The following DOCK3 variants were observed in gnomAD, a reference collection of about 807,000 sequenced individuals.
The protein encoded by DOCK3 is dedicator of cytokinesis protein 3.
Under a neutral mutation model 265.6 loss-of-function variants are expected in DOCK3, and 60 were observed. The ratio of observed to expected loss-of-function variants is 0.23; its 90% CI spans 0.18 to 0.28. DOCK3 has a LOEUF of 0.28. Ranked by LOEUF, DOCK3 falls within the 10% of genes least tolerant of loss-of-function variation. DOCK3 has a pLI of 1.00. For missense variants in DOCK3, 1,981 were observed against 2,594.3 expected, an observed-to-expected ratio of 0.76 and a Z score of 5.14; for synonymous variants, 881 against 938.0, an observed-to-expected ratio of 0.94 and a Z score of 1.11.
intron 4 of DOCK3, among the ~76,000 whole-genome samples, chr3:50,916,393 G>A (rs141846944): frequency 2.6e-3 from 396 of 152,128 alleles, no homozygotes; most frequent in Non-Finnish European, 4.3e-3. Flanking sequence ...CTGGTTTCCA[G>A]CTGAGCCCAG....
intron 5 of DOCK3, among the ~76,000 whole-genome samples, chr3:50,973,116 TTTTTTTGTAGTTTTC>T (rs2077304567): frequency 6.8e-6 from 1 of 146,842 alleles, no homozygotes; most frequent in Non-Finnish European, 1.5e-5. Context: ...ATTTCTTTTT[TTTTTTTGTAGTTTTC>T]TTTTTTTTTT....
chr3:50,863,108 G>A (rs902398253), intron 3 of DOCK3, among the ~76,000 whole-genome samples: 1 of 152,138 alleles, frequency 6.6e-6, no homozygotes, highest in African/African-American at 2.4e-5. Flanking sequence ...CCTCCCTTAT[G>A]GGTGGCCCAC....
chr3:51,374,245 C>T lies in DOCK3; in HGVS notation c.5294-224C>T, dbSNP rs1246836188. Among the ~76,000 whole-genome samples, 1 of 152,202 alleles carries T rather than the reference C, an allele frequency of 6.6e-6. No individual in the cohort carries two copies. Among genetic ancestry groups the T allele is most frequent in the African/African-American group, 2.4e-5 (1 of 41,448 alleles). On this transcript the variant is annotated intron_variant, in intron 49 of 52. Transcript: ENST00000266037. The surrounding 1 kb of genome is among the most constrained non-coding windows in gnomAD (Gnocchi z 4.8). ...GGGGACTCTGTCAGCGGATCTGCAT[C>T]TCACCAGCCTGCTGTATGTCAGCCT...
intron 1 of DOCK3, among the ~76,000 whole-genome samples, chr3:50,750,640 T>C (rs990926740): frequency 1.3e-5 from 2 of 152,216 alleles, no homozygotes; most frequent in Non-Finnish European, 2.9e-5. Context: ...CCTTTGCTTT[T>C]GCATTGCAGT....
chr3:51,086,391 A>T (rs1454614840), intron 7 of DOCK3, among the ~76,000 whole-genome samples: 1 of 152,228 alleles, frequency 6.6e-6, no homozygotes, highest in Non-Finnish European at 1.5e-5. Flanking sequence ...TGCTGCACAG[A>T]TTTTGTTTAT....
At chr3:50,680,719 C>G (rs1285679892) in intron 1 of DOCK3, among the ~76,000 whole-genome samples, 1 of 151,478 alleles carries the variant, frequency 6.6e-6, no homozygotes, top group Non-Finnish European at 1.5e-5. Flanking sequence ...CTATTTTACT[C>G]AGGCTGGTCT....
Position 50,782,289 on chromosome 3 carries a change from A to ATTTTTTTTT in DOCK3, c.121+3542_121+3550dup, listed in dbSNP as rs71084112. Among the ~76,000 whole-genome samples, 107 of 110,010 alleles carry ATTTTTTTTT rather than the reference A, an allele frequency of 9.7e-4. 6 individuals carry two copies. The highest frequency in any genetic ancestry group is 5.8e-3 in the East Asian group (19 of 3,268). The allele number at this position is 110,010 out of a possible 152,430, so 72.2% of individuals were successfully genotyped here. Reference sequence around the variant, plus strand: ...CTCAGCAGTCTCACCAGTACCTGTTATTTTTTTTTTTTTTTTTTTGAGACG... The same window carrying ATTTTTTTTT: ...CTCAGCAGTCTCACCAGTACCTGTTATTTTTTTTTTTTTTTTTTTTTTTTTTTTGAGACG... On this transcript the variant is annotated intron_variant, in intron 2 of 52. Transcript: ENST00000266037.
Position 51,315,013 on chromosome 3 carries a change from T to C in DOCK3, c.3287T>C (p.Ile1096Thr), listed in dbSNP as rs1345363643. The change falls in exon 32 of 53, where the codon ATT (isoleucine) becomes ACT (threonine). Residue 1096 changes from isoleucine (I) to threonine (T), a missense_variant. By Grantham distance (89) the Ile-to-Thr change is moderately conservative (BLOSUM62 -1). This residue lies in a region of DOCK3 where 1,357 missense variants were observed against 1,866.8 expected (regional missense o/e 0.73). Coordinates refer to ENST00000266037, the MANE Select transcript of DOCK3 (RefSeq NM_004947.5). ...AAGATCCACTTTATTCCGGGAATGA[T>C]TGGTCCTTTTCTGGGTGTGACACTG... ...EHKIHFIPGM[I>T]GPFLGVTLVP... is the part of the protein sequence containing the mutation. 11 of 1,610,914 alleles carry C rather than the reference T, an allele frequency of 6.8e-6. No individual in the cohort carries two copies. Among genetic ancestry groups the C allele is most frequent in the South Asian group, 2.2e-5 (2 of 90,726 alleles).
intron 1 of DOCK3, among the ~76,000 whole-genome samples, chr3:50,711,137 A>T (rs2036737274): frequency 6.6e-6 from 1 of 152,180 alleles, no homozygotes; most frequent in Non-Finnish European, 1.5e-5. Flanking sequence ...TTTCTTGCAT[A>T]CATATATTGT....
chr3:51,230,109 C>CT (rs1267749984), intron 19 of DOCK3, among the ~76,000 whole-genome samples: 1 of 152,068 alleles, frequency 6.6e-6, no homozygotes, highest in African/African-American at 2.4e-5. Context: ...GCCATGTTTT[C>CT]TTTTTTTATT....
intron 9 of DOCK3, among the ~76,000 whole-genome samples, chr3:51,098,010 T>G (rs1206163558): frequency 1.1e-4 from 16 of 152,162 alleles, no homozygotes. Flanking sequence ...TCATCTGCCT[T>G]CTGCGTTGAT....
intron 10 of DOCK3, among the ~76,000 whole-genome samples, chr3:51,154,070 G>A (rs1560134930): frequency 6.6e-6 from 1 of 152,170 alleles, no homozygotes; most frequent in Non-Finnish European, 1.5e-5. Context: ...AATGCAAATG[G>A]GATTTATCTG....
rs1030780615 is a variant in DOCK3, at chr3:51,260,207, C to G, written c.2236C>G (p.Arg746Gly). 7 of 1,613,644 alleles carry G rather than the reference C, an allele frequency of 4.3e-6. No individual in the cohort carries two copies. The highest frequency in any genetic ancestry group is 1.6e-4 in the Middle Eastern group (1 of 6,084). ...TGTACAGTCACGGATCCTGTACTCA[C>G]GAGCCACTTGTGGAATGGAAGAGGA... is the stretch of plus-strand genomic sequence containing the variant. ...FIVQSRILYS[R>G]ATCGMEEEQF... is the part of the protein sequence containing the mutation. The change falls in exon 23 of 53, where the codon CGA becomes GGA. Residue 746 changes from arginine to glycine, a missense_variant. Transcript: ENST00000266037.
intron 1 of DOCK3, among the ~76,000 whole-genome samples, chr3:50,687,359 C>A (rs2034899501): frequency 6.6e-6 from 1 of 152,178 alleles, no homozygotes; most frequent in African/African-American, 2.4e-5. Flanking sequence ...ACAGATTGAG[C>A]AGGTTGAATA....
At chr3:50,909,699 G>T (rs181191335) in intron 4 of DOCK3, among the ~76,000 whole-genome samples, 1 of 147,016 alleles carries the variant, frequency 6.8e-6, no homozygotes, top group Non-Finnish European at 1.5e-5. Flanking sequence ...ATGTGTCTTG[G>T]GGTTGATCTT....
intron 2 of DOCK3, among the ~76,000 whole-genome samples, chr3:50,802,942 A>G (rs12492367): frequency 0.089 from 13,470 of 151,782 alleles, 1,221 homozygotes; most frequent in East Asian, 0.33. Flanking sequence ...GTGTTTCATA[A>G]ATCCTGCAGG....
rs575015100 is a variant in DOCK3, at chr3:51,033,604, A to G, written c.316-30844A>G. Among the ~76,000 whole-genome samples the G allele has an allele frequency of 1.6e-4, 25 of 152,328 alleles. No individual in the cohort carries two copies. In the South Asian group the frequency reaches 1.9e-3, roughly 11 times the overall value. ...ATCTGGATGCAATGCAACAGTTTTG[A>G]CAGACATTGAGTGGAACATTTGCTC... On this transcript the variant is annotated intron_variant, in intron 5 of 52. Transcript: ENST00000266037.
chr3:50,922,213 G>T lies in DOCK3; in HGVS notation c.219-11768G>T, dbSNP rs190178053. Among the ~76,000 whole-genome samples, 23 of 152,336 alleles carry T rather than the reference G, an allele frequency of 1.5e-4. 1 individual carries two copies. The East Asian group carries it at 4.2e-3, about 28-fold the overall frequency. ...CTGCCATGGGCTCTACCCAGTTCAAGCTTCCTGGCCACTTTGTTCATCTAC... is the reference window on the plus strand; with the variant it reads ...CTGCCATGGGCTCTACCCAGTTCAATCTTCCTGGCCACTTTGTTCATCTAC... On this transcript the variant is annotated intron_variant, in intron 4 of 52. Transcript: ENST00000266037.
At chr3:50,812,109 A>T (rs1304856141) in intron 2 of DOCK3, among the ~76,000 whole-genome samples, 2 of 152,216 alleles carry the variant, frequency 1.3e-5, no homozygotes, top group Non-Finnish European at 2.9e-5. Flanking sequence ...GAGCTGGTCT[A>T]TAGGAGCAAC....
Sources: allele counts gnomAD v4.1 joint callset (sites outside exome capture counted in the v4.1 genomes callset), GRCh38; gene constraint gnomAD v4.1.1; regional missense constraint gnomAD v4.1.1; non-coding constraint Gnocchi (gnomAD v3.1); transcripts MANE v1.5; gene names NCBI Gene and HGNC (gene_info 2026-07-23, HGNC 2026-07-21).